Variants in PTPN4 observed in about 807,000 individuals in gnomAD.
PTPN4 encodes the protein protein tyrosine phosphatase non-receptor type 4, also known as tyrosine-protein phosphatase non-receptor type 4.
Under a neutral mutation model 135.5 loss-of-function variants are expected in PTPN4, and 49 were observed. That is an observed-to-expected ratio of 0.36 (90% CI 0.29 to 0.46). The LOEUF (loss-of-function observed/expected upper bound fraction) is 0.46. Among genes scored for constraint, PTPN4 ranks in the 20% least tolerant of loss-of-function variants. The probability of loss-of-function intolerance (pLI) is 1.00; values close to 1 mark genes in which losing one functional copy is unlikely to be tolerated. For synonymous variants in PTPN4, 333 were observed against 369.9 expected (o/e 0.90, Z 1.14); for missense variants, 860 against 1,101.0 (o/e 0.78, Z 3.10).
At chr2:119,905,026 T>C (rs1352425670) in intron 10 of PTPN4, among the ~76,000 whole-genome samples, 1 of 117,144 alleles carries the variant, frequency 8.5e-6, no homozygotes, top group Non-Finnish European at 1.9e-5. Flanking sequence ...GAGTCAAAGG[T>C]TATTACTACA....
At chr2:119,963,854 A>G (rs1329298486) in intron 24 of PTPN4, among the ~76,000 whole-genome samples, 3 of 152,158 alleles carry the variant, frequency 2.0e-5, no homozygotes, top group Non-Finnish European at 4.4e-5. Flanking sequence ...AATAATGTCT[A>G]TCTTTAGCAT....
rs1679737771 is a variant in PTPN4 at position 119,984,539 on chromosome 2, T to C, written c.*7469T>C. 6.6e-6 allele frequency among the ~76,000 whole-genome samples: 1 copy of C among 152,218 alleles called. No individual in the cohort carries two copies. Among genetic ancestry groups the C allele is most frequent in the Non-Finnish European group, 1.5e-5 (1 of 68,024 alleles). ...AGAAGCTAAGGGTTTATTTAAAATG[T>C]GTATAAGCTTGAATTTGGTCAACAC... On this transcript the variant is annotated 3_prime_UTR_variant, in exon 27 of 27. Transcript: ENST00000263708.
intron 13 of PTPN4, among the ~76,000 whole-genome samples, chr2:119,929,652 ATTT>A (rs888124268): frequency 6.6e-6 from 1 of 152,084 alleles, no homozygotes; most frequent in African/African-American, 2.4e-5. Context: ...GCTGTGTGGT[ATTT>A]TTTTCTCTGA....
At chr2:119,906,313 C>T (rs1261550828) in intron 10 of PTPN4, among the ~76,000 whole-genome samples, 3 of 151,728 alleles carry the variant, frequency 2.0e-5, no homozygotes, top group African/African-American at 7.3e-5. Context: ...TCCTGAGTGA[C>T]AGTGTGAGAC....
chr2:119,836,920 T>C (rs1010237481), intron 2 of PTPN4, among the ~76,000 whole-genome samples: 4 of 152,184 alleles, frequency 2.6e-5, no homozygotes, highest in Non-Finnish European at 5.9e-5. Context: ...GGATGGCTCG[T>C]CACGGGCCTC....
chr2:119,892,253 G>A (rs1678251421), intron 9 of PTPN4, among the ~76,000 whole-genome samples: 1 of 152,214 alleles, frequency 6.6e-6, no homozygotes, highest in Non-Finnish European at 1.5e-5. Flanking sequence ...GGAGACTCAT[G>A]AGGGAGCTTT....
intron 2 of PTPN4, among the ~76,000 whole-genome samples, chr2:119,847,196 A>AGT (rs1247644323): frequency 6.9e-6 from 1 of 145,774 alleles, no homozygotes; most frequent in East Asian, 1.9e-4. Flanking sequence ...AAATATATAG[A>AGT]GTATATATAT....
intron 25 of PTPN4, among the ~76,000 whole-genome samples, chr2:119,967,627 C>T (rs764791571): frequency 1.3e-5 from 2 of 152,206 alleles, no homozygotes; most frequent in Non-Finnish European, 2.9e-5. Flanking sequence ...TTCCAACTAA[C>T]GTGGTAGATG....
At position 119,915,212 on chromosome 2, in the gene PTPN4, A is replaced by G; in HGVS notation, c.798A>G (p.Lys266=). The change falls in exon 11 of 27, where the codon AAA becomes AAG. Residue 266 remains lysine, a synonymous_variant. Coordinates refer to ENST00000263708, the MANE Select transcript of PTPN4 (RefSeq NM_002830.4). ...TTGTAAAAATTTCTTTTAAGTGCAA[A>G]CAGTTTTTTATTCAACTTAGAAAAG... ...LKIVKISFKC[K]QFFIQLRKEL... 6.5e-7 allele frequency: 1 copy of G among 1,540,382 alleles called. No homozygotes were observed. The highest frequency in any genetic ancestry group is 8.7e-7 in the Non-Finnish European group (1 of 1,145,224).
chr2:119,767,827 C>T (rs747379569), intron 1 of PTPN4, among the ~76,000 whole-genome samples: 30 of 152,300 alleles, frequency 2.0e-4, no homozygotes, highest in Middle Eastern at 6.8e-3. Context: ...CTGCTACTAG[C>T]GATGTTTAAC....
chr2:119,802,138 T>C (rs916994234), intron 1 of PTPN4, among the ~76,000 whole-genome samples: 10 of 152,068 alleles, frequency 6.6e-5, no homozygotes, highest in Admixed American at 4.6e-4. Context: ...CTCTTGACCT[T>C]GTAATCCGCC....
intron 16 of PTPN4, 38 bp from the exon 17 acceptor site, chr2:119,946,303 G>A (rs1679131899): frequency 6.8e-7 from 1 of 1,460,332 alleles, no homozygotes; most frequent in Non-Finnish European, 9.4e-7. Flanking sequence ...GATTTTAAGT[G>A]AAGAAAATTA....
At chr2:119,965,831 A>G (rs922334806) in intron 25 of PTPN4, among the ~76,000 whole-genome samples, 186 bp downstream of exon 25, 1 of 152,224 alleles carries the variant, frequency 6.6e-6, no homozygotes, top group South Asian at 2.1e-4. Flanking sequence ...ATCATAAGAT[A>G]TAAAAATAAT....
intron 11 of PTPN4, among the ~76,000 whole-genome samples, chr2:119,918,223 C>T (rs1259266496): frequency 3.3e-5 from 5 of 152,160 alleles, no homozygotes; most frequent in Non-Finnish European, 5.9e-5. Flanking sequence ...ATACTTTATA[C>T]ATGGGCATTT....
At chr2:119,892,132 A>G (rs1414704282) in intron 9 of PTPN4, among the ~76,000 whole-genome samples, 2 of 152,238 alleles carry the variant, frequency 1.3e-5, no homozygotes, top group Admixed American at 6.5e-5. Flanking sequence ...TTATGGGTAT[A>G]TCAGAGTATG....
chr2:119,844,156 CG>C (rs1440517337), intron 2 of PTPN4, among the ~76,000 whole-genome samples: 81 of 52,704 alleles, frequency 1.5e-3, no homozygotes, highest in Admixed American at 2.2e-3. Flanking sequence ...GGGGGGCCGA[CG>C]CCCCCCACCT....
At chr2:119,882,306 C>T (rs1324295909) in intron 7 of PTPN4, among the ~76,000 whole-genome samples, 157 bp downstream of exon 7, 1 of 152,066 alleles carries the variant, frequency 6.6e-6, no homozygotes, top group African/African-American at 2.4e-5. Context: ...TTAGCAATTA[C>T]TATGATTTTT....
At chr2:119,806,926 A>C (rs1405988590) in intron 1 of PTPN4, among the ~76,000 whole-genome samples, 1 of 152,208 alleles carries the variant, frequency 6.6e-6, no homozygotes, top group East Asian at 1.9e-4. Context: ...TAAGAAACTC[A>C]CACAAAACCA....
chr2:119,841,082 C>G (rs1322053723), intron 2 of PTPN4, among the ~76,000 whole-genome samples: 1 of 151,690 alleles, frequency 6.6e-6, no homozygotes, highest in Admixed American at 6.6e-5. Context: ...GTGCAGAGCT[C>G]TTTAGTTTAA....
Sources: allele counts gnomAD v4.1 joint callset (sites outside exome capture counted in the v4.1 genomes callset), GRCh38; gene constraint gnomAD v4.1.1; transcripts MANE v1.5; gene names NCBI Gene and HGNC (gene_info 2026-07-23, HGNC 2026-07-21).